The following LMNA variants were observed in gnomAD, a reference collection of about 807,000 sequenced individuals.
LMNA encodes the protein lamin A/C.
In LMNA, 20 loss-of-function variants were observed where a neutral mutation model predicts 70.4. The observed-to-expected ratio is 0.28, with a 90% CI of 0.20 to 0.41. The LOEUF is 0.41. Ranked by LOEUF, LMNA falls within the 10% of genes least tolerant of loss-of-function variation. The pLI is 1.00. For missense variants in LMNA, 652 were observed against 917.2 expected, an observed-to-expected ratio of 0.71 and a Z score of 3.73; for synonymous variants, 339 against 372.8, an observed-to-expected ratio of 0.91 and a Z score of 1.04.
At chr1:156,084,797 T>C (rs1015794073) in intron 2 of LMNA, among the ~76,000 whole-genome samples, 2 of 152,216 alleles carry the variant, frequency 1.3e-5, no homozygotes, top group African/African-American at 4.8e-5. Flanking sequence ...TGAAATGAGA[T>C]TCCCCCCAGA....
chr1:156,106,635 ACCCC>A (rs1016732291), intron 3 of LMNA: 3 of 43,040 alleles, frequency 7.0e-5, no homozygotes, highest in African/African-American at 3.1e-4. Flanking sequence ...CTCTGTCCCC[ACCCC>A]CCCACGCCTC....
At chr1:156,111,253 A>G, upstream of LMNA, among the ~76,000 whole-genome samples, 1 of 152,096 alleles carries the variant, frequency 6.6e-6, no homozygotes, top group Non-Finnish European at 1.5e-5. Flanking sequence ...GTTCGAGACC[A>G]GCCTGGCCAA....
chr1:156,126,672 C>T (rs1271283172), intron 1 of LMNA: 1 of 1,451,588 alleles, frequency 6.9e-7, no homozygotes, highest in Non-Finnish European at 9.5e-7. Context: ...ACTCTCATTT[C>T]TACCTTATTC....
intron 1 of LMNA, among the ~76,000 whole-genome samples, chr1:156,119,260 G>A (rs1485522719): frequency 6.6e-6 from 1 of 152,278 alleles, no homozygotes; most frequent in African/African-American, 2.4e-5. Context: ...TGGGACTACA[G>A]GCACATGCCA....
At position 156,138,612 on chromosome 1, in the gene LMNA, G is replaced by A; in HGVS notation, c.1823G>A (p.Gly608Asp). 1 of 1,613,044 alleles carries A rather than the reference G, an allele frequency of 6.2e-7. No individual in the cohort carries two copies. The highest frequency in any genetic ancestry group is 8.5e-7 in the Non-Finnish European group (1 of 1,179,848). Reference protein sequence around the residue: ...ASASGSGAQVGGPISSGSSAS... With the variant: ...ASASGSGAQVDGPISSGSSAS... ...GCCAGCGGCTCAGGAGCCCAGGTGGGCGGACCCATCTCCTCTGGCTCTTCT... is the reference window on the plus strand; with the variant it reads ...GCCAGCGGCTCAGGAGCCCAGGTGGACGGACCCATCTCCTCTGGCTCTTCT... The change falls in exon 11 of 12, where the codon GGC (glycine) becomes GAC (aspartate). Residue 608 changes from glycine (G) to aspartate (D), a missense_variant. Gly to Asp is a moderately conservative substitution (Grantham distance 94). This residue lies in a region of LMNA where 327 missense variants were observed against 387.6 expected (regional missense o/e 0.84). Coordinates refer to ENST00000368300, the MANE Select transcript of LMNA (RefSeq NM_170707.4). The surrounding 1 kb of genome is among the most constrained non-coding windows in gnomAD (Gnocchi z 5.5).
chr1:156,113,530 T>G (rs986425331), upstream of LMNA, among the ~76,000 whole-genome samples: 1 of 152,122 alleles, frequency 6.6e-6, no homozygotes, highest in African/African-American at 2.4e-5. Flanking sequence ...AGCTGCAGAA[T>G]GGACCTGGCC....
At position 156,115,347 on chromosome 1, in the gene LMNA, G is replaced by T; in HGVS notation, c.356+73G>T. ...GGCGGGCCGGCGCCCCTGGCCGGCCGCAGGAAGGGAGTGAGAGGGCCTGGA... is the reference window on the plus strand; with the variant it reads ...GGCGGGCCGGCGCCCCTGGCCGGCCTCAGGAAGGGAGTGAGAGGGCCTGGA... On this transcript the variant is annotated intron_variant, in intron 1 of 11. Transcript: ENST00000368300. The surrounding 1 kb of genome is among the most constrained non-coding windows in gnomAD (Gnocchi z 5.8). The T allele has an allele frequency of 7.3e-7, 1 of 1,376,828 alleles. No homozygotes were observed. The highest frequency in any genetic ancestry group is 1.0e-6 in the Non-Finnish European group (1 of 998,848). 85.3% of individuals were successfully genotyped at this position (1,376,828 alleles called of 1,614,324 possible). A position where few individuals can be genotyped will look rare whatever the true frequency, so the allele number is the denominator to read the frequency against.
chr1:156,102,372 C>T (rs1161991933), intron 3 of LMNA, among the ~76,000 whole-genome samples: 2 of 152,146 alleles, frequency 1.3e-5, no homozygotes, highest in Non-Finnish European at 2.9e-5. Context: ...AGTTGACATA[C>T]CGCAGACACC....
chr1:156,116,656 C>A (rs924747660), intron 1 of LMNA, among the ~76,000 whole-genome samples: 3 of 152,170 alleles, frequency 2.0e-5, no homozygotes, highest in African/African-American at 7.2e-5. Context: ...CCTCCGCCTC[C>A]CAGGTTCAAG....
upstream of LMNA, among the ~76,000 whole-genome samples, chr1:156,112,243 C>T (rs984994625): frequency 1.3e-5 from 2 of 152,022 alleles, no homozygotes; most frequent in African/African-American, 4.8e-5. Context: ...AGCAAGGCTC[C>T]GTCTCTATCA....
At chr1:156,089,601 A>AG (rs1553259679) in intron 2 of LMNA, among the ~76,000 whole-genome samples, 2 of 145,584 alleles carry the variant, frequency 1.4e-5, no homozygotes, top group African/African-American at 2.5e-5. Flanking sequence ...CTAAAAAAAA[A>AG]AAAGAAAGAA....
chr1:156,107,103 C>A (rs1029163219), intron 3 of LMNA, among the ~76,000 whole-genome samples: 5 of 152,198 alleles, frequency 3.3e-5, no homozygotes, highest in African/African-American at 1.2e-4. Context: ...GTCTCCTCAG[C>A]TGTAATATGC....
At chr1:156,126,176 C>T (rs1012883471) in intron 1 of LMNA, 2 of 1,525,914 alleles carry the variant, frequency 1.3e-6, no homozygotes, top group Non-Finnish European at 8.8e-7. Context: ...CTCTGCTCTT[C>T]TGCTCCCTTC....
chr1:156,139,715 G>A lies in LMNA; in HGVS notation c.*609G>A. 3 of 1,531,208 alleles carry A rather than the reference G, an allele frequency of 2.0e-6. No individual in the cohort carries two copies. The South Asian group carries it at 3.6e-5, about 18-fold the overall frequency. The allele number at this position is 1,531,208 out of a possible 1,614,324, so 94.9% of individuals were successfully genotyped here. A position where few individuals can be genotyped will look rare whatever the true frequency, so the allele number is the denominator to read the frequency against. On this transcript the variant is annotated 3_prime_UTR_variant, in exon 12 of 12. Coordinates refer to ENST00000368300, the MANE Select transcript of LMNA (RefSeq NM_170707.4). Reference sequence around the variant, plus strand: ...TCCCCACCCCTGCCCCCAGCCCCGGGGTGAGTCCATTCTCCCAGGTACCAG... The same window carrying A: ...TCCCCACCCCTGCCCCCAGCCCCGGAGTGAGTCCATTCTCCCAGGTACCAG...
At position 156,135,817 on chromosome 1, in the gene LMNA, G is replaced by C. The variant is rs922100344; in HGVS notation, c.937-84G>C. 90 of 1,120,002 alleles carry C rather than the reference G, an allele frequency of 8.0e-5. 1 individual carries two copies. The highest frequency in any genetic ancestry group is 3.9e-4 in the Middle Eastern group (2 of 5,110). The allele number at this position is 1,120,002 out of a possible 1,614,324, so 69.4% of individuals were successfully genotyped here. A position where few individuals can be genotyped will look rare whatever the true frequency, so the allele number is the denominator to read the frequency against. The stretch of plus-strand genomic sequence containing the variant: ...TTGCAGATCCTGGAGAGAGTAGCCA[G>C]GTGTCTCCTACACCGACCCACGTCC... On this transcript the variant is annotated intron_variant, in intron 5 of 11. Transcript: ENST00000368300. The surrounding 1 kb of genome is among the most constrained non-coding windows in gnomAD (Gnocchi z 4.8).
In LMNA at chr1:156,120,152, C is replaced by T. The variant is rs188860975; in HGVS notation, c.356+4878C>T. ...CCCACTGTTGCAGCCCCAGTGTGGA[C>T]AGGCAGGGAGATGCAGGCTCCAGTT... On this transcript the variant is annotated intron_variant, in intron 1 of 11. Coordinates refer to ENST00000368300, the MANE Select transcript of LMNA (RefSeq NM_170707.4). 3.3e-3 allele frequency among the ~76,000 whole-genome samples: 505 copies of T among 152,326 alleles called. 2 individuals are homozygous for T. The highest frequency in any genetic ancestry group is 0.012 in the African/African-American group (488 of 41,568).
Position 156,134,478 on chromosome 1 carries a change from C to CT in LMNA, c.590dup (p.Gln198AlafsTer16). The CT allele has an allele frequency of 6.2e-7, 1 of 1,614,168 alleles. No homozygotes were observed. The highest frequency in any genetic ancestry group is 8.5e-7 in the Non-Finnish European group (1 of 1,180,016). On this transcript the variant is annotated frameshift_variant, in exon 3 of 12. Transcript: ENST00000368300. LOFTEE classifies it high-confidence loss of function. The surrounding 1 kb of genome is among the most constrained non-coding windows in gnomAD (Gnocchi z 5.3). ...GCGGCGGGTGGATGCTGAGAACAGGCTGCAGACCATGAAGGAGGAACTGGA... is the reference window on the plus strand; with the variant it reads ...GCGGCGGGTGGATGCTGAGAACAGGCTTGCAGACCATGAAGGAGGAACTGGA...
chr1:156,139,674 C>T lies in LMNA; in HGVS notation c.*568C>T, dbSNP rs979747758. The stretch of plus-strand genomic sequence containing the variant: ...ACTACACCTGGCTGAGGTTCCTCTG[C>T]CTGCCCCGCCCCCAGTCCCCACCCC... On this transcript the variant is annotated 3_prime_UTR_variant, in exon 12 of 12. Coordinates refer to ENST00000368300, the MANE Select transcript of LMNA (RefSeq NM_170707.4). The T allele has an allele frequency of 2.3e-5, 35 of 1,509,080 alleles. No homozygotes were observed. The highest frequency in any genetic ancestry group is 2.4e-4 in the Middle Eastern group (1 of 4,246). The allele number at this position is 1,509,080 out of a possible 1,614,324, so 93.5% of individuals were successfully genotyped here.
At chr1:156,114,646 A>C, upstream of LMNA, 1 of 292,774 alleles carries the variant, frequency 3.4e-6, no homozygotes. Flanking sequence ...CCCCTTTAAG[A>C]GTAGTGGCCC....
Sources: allele counts gnomAD v4.1 joint callset (sites outside exome capture counted in the v4.1 genomes callset), GRCh38; gene constraint gnomAD v4.1.1; regional missense constraint gnomAD v4.1.1; non-coding constraint Gnocchi (gnomAD v3.1); transcripts MANE v1.5; gene names NCBI Gene and HGNC (gene_info 2026-07-23, HGNC 2026-07-21).